RNF2: variants seen among roughly 807,000 people sequenced by gnomAD.
RNF2 encodes E3 ubiquitin-protein ligase RING2.
In RNF2, 6 loss-of-function variants were observed where a neutral mutation model predicts 37.2. The observed-to-expected ratio is 0.16, with a 90% CI of 0.09 to 0.32. The LOEUF (loss-of-function observed/expected upper bound fraction) is 0.32. Among genes scored for constraint, RNF2 ranks in the 10% least tolerant of loss-of-function variants. RNF2 has a pLI of 1.00. For missense variants in RNF2, 251 were observed against 404.0 expected, an observed-to-expected ratio of 0.62 and a Z score of 3.25; for synonymous variants, 133 against 132.7, an observed-to-expected ratio of 1.00 and a Z score of -0.02.
chr1:185,077,297 C>T (rs1651196515), intron 1 of RNF2, among the ~76,000 whole-genome samples: 1 of 151,938 alleles, frequency 6.6e-6, no homozygotes, highest in Non-Finnish European at 1.5e-5. Flanking sequence ...TCCTCCTCCC[C>T]CCTCCCTCCT....
chr1:185,079,668 G>A (rs1451388906), intron 1 of RNF2, among the ~76,000 whole-genome samples: 2 of 152,164 alleles, frequency 1.3e-5, no homozygotes, highest in Non-Finnish European at 2.9e-5. Context: ...GGTGGCTCAC[G>A]CCTGTAATCC....
At chr1:185,100,127 C>G (rs1305042281) in intron 6 of RNF2, 73 bp from the exon 7 acceptor site, 1 of 1,289,964 alleles carries the variant, frequency 7.8e-7, no homozygotes, top group Admixed American at 2.3e-5. Context: ...CTGTGGACTT[C>G]CATTTTAGTT....
intron 1 of RNF2, among the ~76,000 whole-genome samples, chr1:185,055,407 TTTTG>T (rs1343654573): frequency 1.5e-4 from 23 of 152,014 alleles, no homozygotes; most frequent in African/African-American, 5.1e-4. Context: ...TGTTGTAGGT[TTTTG>T]TTTGTTTGTT....
intron 1 of RNF2, among the ~76,000 whole-genome samples, chr1:185,054,400 T>C (rs928204350): frequency 6.6e-6 from 1 of 152,334 alleles, no homozygotes; most frequent in African/African-American, 2.4e-5. Flanking sequence ...GTGTCAAGGC[T>C]GGACACTGTG....
intron 1 of RNF2, among the ~76,000 whole-genome samples, chr1:185,062,510 T>TGGAGTAG (rs1293657086): frequency 3.9e-5 from 6 of 152,232 alleles, no homozygotes; most frequent in Non-Finnish European, 7.4e-5. Flanking sequence ...TTACATGGAA[T>TGGAGTAG]GGAGTAGCTA....
At chr1:185,057,087 C>T (rs1048236521) in intron 1 of RNF2, among the ~76,000 whole-genome samples, 1 of 152,080 alleles carries the variant, frequency 6.6e-6, no homozygotes, top group African/African-American at 2.4e-5. Flanking sequence ...GCAGGAGGAT[C>T]ACTTGAGACT....
intron 1 of RNF2, among the ~76,000 whole-genome samples, chr1:185,070,374 G>T (rs566352092): frequency 1.3e-5 from 2 of 152,154 alleles, no homozygotes; most frequent in Admixed American, 6.5e-5. Context: ...TGTGCTTTCT[G>T]ACTGTCTCAT....
At chr1:185,067,474 TATAAC>T (rs1288123969) in intron 1 of RNF2, among the ~76,000 whole-genome samples, 12 of 152,178 alleles carry the variant, frequency 7.9e-5, no homozygotes, top group East Asian at 1.9e-4. Flanking sequence ...ATTTGTGTAA[TATAAC>T]ATAAAAGGAA....
rs117061237 is a variant in RNF2, at chr1:185,071,978, A to C, written c.-2-15574A>C. The C allele has an allele frequency of 5.5e-3, 836 of 152,600 alleles. 33 individuals are homozygous for C. In the East Asian group the frequency reaches 0.085, roughly 15 times the overall value. The allele number at this position is 152,600 out of a possible 1,614,324, so 9.5% of individuals were successfully genotyped here. The stretch of plus-strand genomic sequence containing the variant: ...AAAGCCATATCATTGTGGACAAAGT[A>C]GTAAGACATGAATAGGTAGATGTGG... On this transcript the variant is annotated intron_variant, in intron 1 of 6. Coordinates refer to ENST00000367510, the MANE Select transcript of RNF2 (RefSeq NM_007212.4).
chr1:185,057,329 C>A, intron 1 of RNF2, among the ~76,000 whole-genome samples: 1 of 152,006 alleles, frequency 6.6e-6, no homozygotes, highest in Non-Finnish European at 1.5e-5. Flanking sequence ...TAAATAAAAT[C>A]TAAATATAAT....
In RNF2 at chr1:185,100,370, G is replaced by A; in HGVS notation, c.*69G>A. The A allele has an allele frequency of 3.9e-6, 4 of 1,019,996 alleles. No homozygotes were observed. Among genetic ancestry groups the A allele is most frequent in the Non-Finnish European group, 4.4e-6 (3 of 677,286 alleles). 63.2% of individuals were successfully genotyped at this position (1,019,996 alleles called of 1,614,324 possible). On this transcript the variant is annotated 3_prime_UTR_variant, in exon 7 of 7. Coordinates refer to ENST00000367510, the MANE Select transcript of RNF2 (RefSeq NM_007212.4). ...TTTCTTTAATATTAAAGATGTACTG[G>A]CATTACTTTTATGGACAGATCTTGG...
chr1:185,098,040 A>G, intron 4 of RNF2, 32 bp from the exon 5 acceptor site: 2 of 1,604,106 alleles, frequency 1.2e-6, no homozygotes, highest in Admixed American at 1.7e-5. Flanking sequence ...CTAAAAGTAA[A>G]TTTTATGCAT....
intron 1 of RNF2, among the ~76,000 whole-genome samples, chr1:185,055,047 C>T (rs1650394111): frequency 1.3e-5 from 2 of 152,322 alleles, no homozygotes; most frequent in East Asian, 1.9e-4. Context: ...TGAGAGAACA[C>T]CCCAAAAGTT....
chr1:185,097,623 T>A (rs1651949131), intron 4 of RNF2, among the ~76,000 whole-genome samples: 1 of 152,250 alleles, frequency 6.6e-6, no homozygotes, highest in African/African-American at 2.4e-5. Flanking sequence ...GCCCTTCAAC[T>A]CCTGGGCTCA....
Position 185,082,345 on chromosome 1 carries a change from C to CTTTTTTTT in RNF2, c.-2-5192_-2-5185dup, listed in dbSNP as rs3036553. ...CAAGGTTCTTGTCTCCTCTGCAGAA[C>CTTTTTTTT]TTTTTTTTTTTTTTTTTTTTTTGAA... On this transcript the variant is annotated intron_variant, in intron 1 of 6. Coordinates refer to ENST00000367510, the MANE Select transcript of RNF2 (RefSeq NM_007212.4). 8.9e-3 allele frequency among the ~76,000 whole-genome samples: 639 copies of CTTTTTTTT among 71,944 alleles called. 121 individuals are homozygous for CTTTTTTTT. Among genetic ancestry groups the CTTTTTTTT allele is most frequent in the East Asian group, 0.023 (41 of 1,788 alleles). The allele number at this position is 71,944 out of a possible 152,430, so 47.2% of individuals were successfully genotyped here.
intron 1 of RNF2, among the ~76,000 whole-genome samples, chr1:185,061,895 A>G (rs1310516774): frequency 1.3e-5 from 2 of 152,192 alleles, no homozygotes; most frequent in African/African-American, 2.4e-5. Context: ...TAAATTTACA[A>G]ATGAGGAAAC....
At chr1:185,076,268 GTTTTT>G (rs71101959) in intron 1 of RNF2, among the ~76,000 whole-genome samples, 2 of 27,346 alleles carry the variant, frequency 7.3e-5, no homozygotes, top group African/African-American at 2.6e-4. Flanking sequence ...TTTATGGGTT[GTTTTT>G]TTTTTTTTTT....
rs1157394864 is a variant in RNF2, at chr1:185,098,180, C to T, written c.573C>T (p.Gly191=). Residue 191 remains glycine, a synonymous_variant, in exon 5 of 7, where the codon GGC becomes GGT. Transcript: ENST00000367510. ...NASTHSNQEA[G]PSNKRTKTSD... is the part of the protein sequence containing the mutation. ...CCACACATAGCAATCAGGAAGCAGG[C>T]CCTAGTAACAAACGGACCAAAACAT... 5 of 1,614,166 alleles carry T rather than the reference C, an allele frequency of 3.1e-6. No homozygotes were observed. Among genetic ancestry groups the T allele is most frequent in the Non-Finnish European group, 4.2e-6 (5 of 1,180,022 alleles).
chr1:185,057,421 C>A (rs530767419), intron 1 of RNF2, among the ~76,000 whole-genome samples: 18 of 152,156 alleles, frequency 1.2e-4, no homozygotes, highest in Non-Finnish European at 1.9e-4. Flanking sequence ...TATATTTAAT[C>A]ATTTCATTGT....
Sources: allele counts gnomAD v4.1 joint callset (sites outside exome capture counted in the v4.1 genomes callset), GRCh38; gene constraint gnomAD v4.1.1; transcripts MANE v1.5; gene names NCBI Gene and HGNC (gene_info 2026-07-23, HGNC 2026-07-21).